Variants in ANKS1B observed in about 807,000 individuals in gnomAD.
The protein encoded by ANKS1B is ankyrin repeat and sterile alpha motif domain containing 1B, also known as ankyrin repeat and sterile alpha motif domain-containing protein 1B.
A neutral mutation model predicts 148.3 loss-of-function variants in ANKS1B; 36 were observed. That is an observed-to-expected ratio of 0.24 (90% CI 0.19 to 0.32). The LOEUF (loss-of-function observed/expected upper bound fraction) is 0.32. ANKS1B is among the 10% of genes least tolerant of loss of function. The pLI is 1.00. For missense variants in ANKS1B, 1,157 were observed against 1,542.6 expected, an observed-to-expected ratio of 0.75 and a Z score of 4.19; for synonymous variants, 542 against 560.8, an observed-to-expected ratio of 0.97 and a Z score of 0.47.
At chr12:99,046,533 C>T (rs984352907) in intron 17 of ANKS1B, among the ~76,000 whole-genome samples, 1 of 151,756 alleles carries the variant, frequency 6.6e-6, no homozygotes, top group Non-Finnish European at 1.5e-5. Context: ...GGTGCGGTGG[C>T]TCATGCCTGT....
exon 10 of ANKS1B, chr12:98,735,175 G>C: frequency 2.5e-6 from 1 of 398,762 alleles, no homozygotes; most frequent in Non-Finnish European, 4.4e-6. Flanking sequence ...TCATGCAGTC[G>C]GTCAAGAGGA....
chr12:98,829,759 C>T lies in ANKS1B; in HGVS notation c.2887-406G>A, dbSNP rs2099279714. Among the ~76,000 whole-genome samples the T allele has an allele frequency of 1.3e-5, 2 of 152,144 alleles. No individual in the cohort carries two copies. The highest frequency in any genetic ancestry group is 1.3e-4 in the Admixed American group (2 of 15,276). On this transcript the variant is annotated intron_variant, in intron 18 of 26. Coordinates refer to ENST00000683438, the MANE Select transcript of ANKS1B (RefSeq NM_001352186.2). The surrounding 1 kb of genome is among the most constrained non-coding windows in gnomAD (Gnocchi z 5.2). ...AAATGAGACCCAATGGGTCTTGATC[C>T]TTCATCAAAGAATGGTCTGACAACA...
At chr12:98,998,902 C>T (rs956326201) in intron 17 of ANKS1B, among the ~76,000 whole-genome samples, 10 of 152,074 alleles carry the variant, frequency 6.6e-5, no homozygotes, top group African/African-American at 2.4e-4. Context: ...GTGGATTTTT[C>T]ATTTATTGCA....
chr12:99,043,628 C>T (rs1220449114), intron 17 of ANKS1B, among the ~76,000 whole-genome samples: 1 of 152,188 alleles, frequency 6.6e-6, no homozygotes, highest in African/African-American at 2.4e-5. Flanking sequence ...CACTGATTTC[C>T]AATTTAGCAT....
intron 9 of ANKS1B, among the ~76,000 whole-genome samples, chr12:99,599,609 T>C (rs1326598547): frequency 1.3e-5 from 2 of 152,064 alleles, no homozygotes; most frequent in African/African-American, 2.4e-5. Flanking sequence ...ATGGATAAGA[T>C]ATAAATTTGG....
intron 17 of ANKS1B, among the ~76,000 whole-genome samples, chr12:98,889,316 T>C (rs1250865036): frequency 2.0e-5 from 3 of 152,214 alleles, no homozygotes; most frequent in East Asian, 3.9e-4. Flanking sequence ...AAGACTTTTG[T>C]GAATATTCTG....
rs781029114 is a variant in ANKS1B at position 99,053,324 on chromosome 12, A to T, written c.2626-15T>A. ...ATGGGTCTCATCTGTAATAAAGAAA[A>T]TTACATTAGGATTAAACTGTATACT... On this transcript the variant is annotated splice_polypyrimidine_tract_variant and intron_variant, in intron 16 of 26. Transcript: ENST00000683438. 2.5e-6 allele frequency: 4 copies of T among 1,572,720 alleles called. No individual in the cohort carries two copies. Among genetic ancestry groups the T allele is most frequent in the South Asian group, 1.2e-5 (1 of 83,170 alleles).
At chr12:98,943,719 A>C (rs2099840646) in intron 17 of ANKS1B, among the ~76,000 whole-genome samples, 1 of 152,172 alleles carries the variant, frequency 6.6e-6, no homozygotes, top group Non-Finnish European at 1.5e-5. Flanking sequence ...TTTAAGGCCA[A>C]CCGTTTGGCA....
chr12:99,915,823 AG>A (rs2094154110), intron 1 of ANKS1B, among the ~76,000 whole-genome samples: 1 of 152,212 alleles, frequency 6.6e-6, no homozygotes, highest in Non-Finnish European at 1.5e-5. Flanking sequence ...GTTCCTTTTA[AG>A]GGCTGGGTGA....
chr12:99,828,627 T>C (rs141811299), intron 1 of ANKS1B, among the ~76,000 whole-genome samples: 1,556 of 152,266 alleles, frequency 0.01, 13 homozygotes, highest in Middle Eastern at 0.034. Context: ...ATCATTAATA[T>C]CATCTCAATA....
chr12:99,675,512 A>G (rs2098558689), intron 8 of ANKS1B, among the ~76,000 whole-genome samples: 1 of 151,866 alleles, frequency 6.6e-6, no homozygotes, highest in South Asian at 2.1e-4. Flanking sequence ...TTTTTTAATA[A>G]AATTTATCTT....
At chr12:98,932,607 T>C (rs549455919) in intron 17 of ANKS1B, among the ~76,000 whole-genome samples, 58 of 152,312 alleles carry the variant, frequency 3.8e-4, no homozygotes, top group Middle Eastern at 3.4e-3. Flanking sequence ...TTTGGGTTTT[T>C]GATAATACCA....
chr12:98,746,851 T>C (rs2097905962), intron 26 of ANKS1B, among the ~76,000 whole-genome samples: 1 of 152,192 alleles, frequency 6.6e-6, no homozygotes, highest in South Asian at 2.1e-4. Flanking sequence ...CATGCAGCAG[T>C]CCCAGAATAA....
At chr12:99,278,248 T>C (rs1038666929) in intron 12 of ANKS1B, among the ~76,000 whole-genome samples, 2 of 152,176 alleles carry the variant, frequency 1.3e-5, no homozygotes, top group African/African-American at 4.8e-5. Context: ...CAGGGGAAAC[T>C]TTCATGCAGT....
chr12:99,615,470 G>A (rs556161535), intron 9 of ANKS1B, among the ~76,000 whole-genome samples: 1 of 152,148 alleles, frequency 6.6e-6, no homozygotes, highest in South Asian at 2.1e-4. Context: ...AAACCTCCCT[G>A]ACAATGTAAT....
At chr12:99,399,018 C>A (rs981725592) in intron 12 of ANKS1B, among the ~76,000 whole-genome samples, 2 of 152,032 alleles carry the variant, frequency 1.3e-5, no homozygotes, top group Non-Finnish European at 2.9e-5. Flanking sequence ...CTTTGGGTCC[C>A]ACTTCTCTTA....
intron 12 of ANKS1B, chr12:99,352,072 T>C (rs2091480442): frequency 6.6e-6 from 1 of 152,060 alleles, no homozygotes; most frequent in African/African-American, 2.4e-5. Context: ...CAATGTCTGC[T>C]TGTTAGTGAC....
intron 10 of ANKS1B, among the ~76,000 whole-genome samples, chr12:99,471,137 C>A (rs1419924996): frequency 6.6e-6 from 1 of 152,008 alleles, no homozygotes; most frequent in Non-Finnish European, 1.5e-5. Flanking sequence ...AATCCTAAAG[C>A]ATCTTTCCTC....
At chr12:98,941,454 C>T (rs1288595337) in intron 17 of ANKS1B, among the ~76,000 whole-genome samples, 3 of 152,208 alleles carry the variant, frequency 2.0e-5, no homozygotes, top group Non-Finnish European at 4.4e-5. Flanking sequence ...GAGGCATCAC[C>T]TTGTTTGACT....
Sources: allele counts gnomAD v4.1 joint callset (sites outside exome capture counted in the v4.1 genomes callset), GRCh38; gene constraint gnomAD v4.1.1; non-coding constraint Gnocchi (gnomAD v3.1); transcripts MANE v1.5; gene names NCBI Gene and HGNC (gene_info 2026-07-23, HGNC 2026-07-21).